The following ANO1 variants were observed in gnomAD, a reference collection of about 807,000 sequenced individuals.
ANO1 encodes the protein anoctamin 1.
ANO1 carries 59 observed loss-of-function variants against 124.0 expected under a neutral mutation model. That is an observed-to-expected ratio of 0.48 (90% CI 0.39 to 0.59). The LOEUF is 0.59. Ranked by LOEUF, ANO1 falls within the 20% of genes least tolerant of loss-of-function variation. The probability of loss-of-function intolerance (pLI) is 0.00; values close to 1 mark genes in which losing one functional copy is unlikely to be tolerated. For missense variants in ANO1, 1,059 were observed against 1,328.0 expected (o/e 0.80, Z 3.15); for synonymous variants, 529 against 532.0 (o/e 0.99, Z 0.08).
intron 11 of ANO1, among the ~76,000 whole-genome samples, chr11:70,143,682 T>C (rs1236431281): frequency 6.6e-6 from 1 of 152,120 alleles, no homozygotes; most frequent in Non-Finnish European, 1.5e-5. Flanking sequence ...AAATCCCGGA[T>C]GAAATGGACA....
the ANO1 span, among the ~76,000 whole-genome samples, chr11:69,969,072 G>T: frequency 9.2e-5 from 14 of 152,184 alleles, no homozygotes; most frequent in Admixed American, 9.2e-4. Flanking sequence ...GAAGCCAGCC[G>T]TGGTCTTTCT....
chr11:70,121,630 CTG>C (rs1205044178), intron 8 of ANO1, among the ~76,000 whole-genome samples: 16 of 142,834 alleles, frequency 1.1e-4, no homozygotes, highest in Admixed American at 2.2e-4. Flanking sequence ...CCCCACCTCT[CTG>C]TCTGTCTCTC....
chr11:69,985,354 G>T, upstream of ANO1, among the ~76,000 whole-genome samples: 1 of 131,716 alleles, frequency 7.6e-6, no homozygotes, highest in South Asian at 2.9e-4. Flanking sequence ...GGAGGGGGGT[G>T]GGCAGAGGCG....
At chr11:70,105,496 C>T (rs1178719865) in intron 4 of ANO1, among the ~76,000 whole-genome samples, 6 of 152,170 alleles carry the variant, frequency 3.9e-5, no homozygotes, top group African/African-American at 1.2e-4. Flanking sequence ...TGACCGTACT[C>T]GCCTCCTAGG....
At chr11:70,167,528 AAG>A (rs2048302838) in intron 21 of ANO1, 141 bp downstream of exon 21, 1 of 1,255,344 alleles carries the variant, frequency 8.0e-7, no homozygotes, top group African/African-American at 1.5e-5. Context: ...AGGCAGGGAG[AAG>A]AGAGATGCAG....
intron 1 of ANO1, among the ~76,000 whole-genome samples, chr11:70,014,597 C>T: frequency 6.6e-6 from 1 of 152,072 alleles, no homozygotes; most frequent in Non-Finnish European, 1.5e-5. Flanking sequence ...CAGTGCTGCT[C>T]TATCTGGTGG....
chr11:70,176,763 G>A (rs774922743), intron 22 of ANO1, among the ~76,000 whole-genome samples: 28 of 152,134 alleles, frequency 1.8e-4, no homozygotes, highest in Non-Finnish European at 3.7e-4. Context: ...TGGCCGAGAC[G>A]ATGAACCCCA....
upstream of ANO1, among the ~76,000 whole-genome samples, chr11:69,982,041 G>A (rs1855964251): frequency 6.6e-6 from 1 of 152,174 alleles, no homozygotes; most frequent in Non-Finnish European, 1.5e-5. Context: ...GGGGGAGATG[G>A]GGAGTGACTG....
At chr11:69,978,753 C>G in the ANO1 span, among the ~76,000 whole-genome samples, 4 of 152,350 alleles carry the variant, frequency 2.6e-5, no homozygotes, top group East Asian at 7.7e-4. Context: ...AGCCTAATCT[C>G]TCTATTCAGG....
chr11:70,090,251 C>A (rs2044575347), intron 2 of ANO1, among the ~76,000 whole-genome samples: 1 of 152,332 alleles, frequency 6.6e-6, no homozygotes, highest in Non-Finnish European at 1.5e-5. Flanking sequence ...TCGTGGTCCG[C>A]CCGCCTTGGC....
rs541484350 is a variant in ANO1 at position 70,037,005 on chromosome 11, G to A, written c.59-41537G>A. ...AACATCTCAGGCAGCAGCTGTGCCT[G>A]ACTGTCACTCAATAAACATGTGTGC... On this transcript the variant is annotated intron_variant, in intron 1 of 27. Transcript: ENST00000531349. 1.2e-4 allele frequency among the ~76,000 whole-genome samples: 18 copies of A among 152,360 alleles called. No individual in the cohort carries two copies. In the South Asian group the frequency reaches 3.7e-3, roughly 32 times the overall value.
chr11:70,004,580 T>C (rs1433470177), intron 1 of ANO1, among the ~76,000 whole-genome samples: 1 of 152,210 alleles, frequency 6.6e-6, no homozygotes, highest in Non-Finnish European at 1.5e-5. Context: ...ATAAAGCGTG[T>C]CGCGACGTTA....
At chr11:70,098,664 T>C (rs1230454742) in intron 2 of ANO1, among the ~76,000 whole-genome samples, 1 of 152,284 alleles carries the variant, frequency 6.6e-6, no homozygotes, top group East Asian at 1.9e-4. Context: ...GTCTGATCTT[T>C]AGGGGTGCAA....
intron 23 of ANO1, among the ~76,000 whole-genome samples, chr11:70,180,886 G>A (rs1028232384): frequency 3.3e-5 from 5 of 152,186 alleles, no homozygotes. Context: ...CCTTACACAC[G>A]GCTCTGCTAA....
At chr11:70,116,362 G>T in intron 7 of ANO1, 96 bp from the exon 8 acceptor site, 1 of 1,247,156 alleles carries the variant, frequency 8.0e-7, no homozygotes, top group South Asian at 1.3e-5. Context: ...GTGTCAACGA[G>T]AGCTGCTGGG....
At chr11:70,124,507 G>A in intron 9 of ANO1, 93 bp downstream of exon 9, 2 of 1,324,176 alleles carry the variant, frequency 1.5e-6, no homozygotes, top group South Asian at 2.5e-5. Flanking sequence ...TGAATGTTCA[G>A]TACCCGGGAA....
At chr11:70,085,388 G>T in intron 1 of ANO1, 5 of 1,427,876 alleles carry the variant, frequency 3.5e-6, no homozygotes, top group East Asian at 2.8e-5. Context: ...CTCAGACTTT[G>T]TCACAGAGGG....
intron 1 of ANO1, among the ~76,000 whole-genome samples, chr11:69,990,304 C>T (rs545287995): frequency 2.0e-5 from 3 of 152,188 alleles, no homozygotes; most frequent in African/African-American, 4.8e-5. Flanking sequence ...TTAAGGCATC[C>T]GTGTTGTAGC....
chr11:70,069,106 G>A (rs143267469), intron 1 of ANO1, among the ~76,000 whole-genome samples: 6 of 152,350 alleles, frequency 3.9e-5, no homozygotes, highest in African/African-American at 9.6e-5. Context: ...AGAGGGCCCG[G>A]GGCCATCTCT....
Sources: allele counts gnomAD v4.1 joint callset (sites outside exome capture counted in the v4.1 genomes callset), GRCh38; gene constraint gnomAD v4.1.1; transcripts MANE v1.5; gene names NCBI Gene and HGNC (gene_info 2026-07-23, HGNC 2026-07-21).